The following COPS3 variants were observed in gnomAD, a reference collection of about 807,000 sequenced individuals.
COPS3 encodes COP9 signalosome subunit 3.
COPS3 carries 10 observed loss-of-function variants against 58.2 expected under a neutral mutation model. That is an observed-to-expected ratio of 0.17 (90% CI 0.11 to 0.29). The LOEUF (loss-of-function observed/expected upper bound fraction) is 0.29. Among genes scored for constraint, COPS3 ranks in the 10% least tolerant of loss-of-function variants. COPS3 has a pLI of 1.00. For synonymous variants in COPS3, 187 were observed against 181.7 expected, an observed-to-expected ratio of 1.03 and a Z score of -0.24; for missense variants, 333 against 510.1, an observed-to-expected ratio of 0.65 and a Z score of 3.34.
chr17:17,251,651 G>A (rs1234875780), intron 9 of COPS3, among the ~76,000 whole-genome samples: 2 of 152,108 alleles, frequency 1.3e-5, no homozygotes, highest in Non-Finnish European at 2.9e-5. Flanking sequence ...CCCTGAAAAC[G>A]AATGAACTAC....
chr17:17,251,929 CGTA>C (rs2047854823), intron 9 of COPS3, among the ~76,000 whole-genome samples: 1 of 151,582 alleles, frequency 6.6e-6, no homozygotes, highest in Non-Finnish European at 1.5e-5. Context: ...ATTAGCCAGG[CGTA>C]GTGGTGGGCG....
intron 1 of COPS3, among the ~76,000 whole-genome samples, chr17:17,278,573 T>G (rs575371947): frequency 1.3e-5 from 2 of 152,378 alleles, no homozygotes; most frequent in South Asian, 4.1e-4. Context: ...CATCATTGTA[T>G]TACAGATCTC....
At chr17:17,277,248 C>G (rs1432153360) in intron 1 of COPS3, among the ~76,000 whole-genome samples, 1 of 152,188 alleles carries the variant, frequency 6.6e-6, no homozygotes, top group African/African-American at 2.4e-5. Flanking sequence ...TCTGCCCTCT[C>G]TGCCTCGCAT....
rs1325490360 is a variant in COPS3 at position 17,247,384 on chromosome 17, T to C, written c.1218+96A>G. ...CCGTACTGGTAAGGTTTTCAAGAAA[T>C]ATTTAATAACCTGAAACTTAGTTCC... On this transcript the variant is annotated intron_variant, in intron 11 of 11. Coordinates refer to ENST00000268717, the MANE Select transcript of COPS3 (RefSeq NM_003653.4). 3.3e-6 allele frequency: 4 copies of C among 1,217,342 alleles called. No individual in the cohort carries two copies. The Admixed American group carries it at 5.5e-5, about 17-fold the overall frequency. 75.4% of individuals were successfully genotyped at this position (1,217,342 alleles called of 1,614,324 possible). A position where few individuals can be genotyped will look rare whatever the true frequency, so the allele number is the denominator to read the frequency against.
chr17:17,271,930 T>TA (rs2048362715), intron 2 of COPS3, among the ~76,000 whole-genome samples: 1 of 146,284 alleles, frequency 6.8e-6, no homozygotes, highest in Non-Finnish European at 1.5e-5. Context: ...CATATATGTT[T>TA]TATATATATA....
intron 9 of COPS3, among the ~76,000 whole-genome samples, chr17:17,251,050 A>T (rs533565802): frequency 6.6e-6 from 1 of 152,310 alleles, no homozygotes; most frequent in South Asian, 2.1e-4. Context: ...GCTGGAGTGC[A>T]GTGGCGCAAT....
rs375625767 is a variant in COPS3, at chr17:17,260,346, T to C, written c.891A>G (p.Gln297=). 1 of 1,614,184 alleles carries C rather than the reference T, an allele frequency of 6.2e-7. No homozygotes were observed. Among genetic ancestry groups the C allele is most frequent in the Admixed American group, 1.7e-5 (1 of 60,012 alleles). The change falls in exon 8 of 12, where the codon CAA becomes CAG. Residue 297 remains glutamine (Q), a synonymous_variant. Coordinates refer to ENST00000268717, the MANE Select transcript of COPS3 (RefSeq NM_003653.4). ...TCTTCTTATAAAGAGATGACAAGCA[T>C]TGCTTCACCAGCCCCATGTTGTTAT... ...TRDNNMGLVK[Q]CLSSLYKKNI...
At chr17:17,266,474 G>C (rs1409588684) in intron 5 of COPS3, among the ~76,000 whole-genome samples, 1 of 152,076 alleles carries the variant, frequency 6.6e-6, no homozygotes, top group Non-Finnish European at 1.5e-5. Flanking sequence ...CTGCCCTTTT[G>C]CCTTCTGGAC....
chr17:17,259,062 T>C (rs779416078), intron 8 of COPS3, among the ~76,000 whole-genome samples: 2 of 152,090 alleles, frequency 1.3e-5, no homozygotes, highest in Admixed American at 6.6e-5. Flanking sequence ...AGCTTCTCCA[T>C]TGGGCTAGGG....
chr17:17,246,994 T>TA lies in COPS3; in HGVS notation c.*103dup. The TA allele has an allele frequency of 1.0e-6, 1 of 976,618 alleles. No individual in the cohort carries two copies. The highest frequency in any genetic ancestry group is 1.7e-6 in the Non-Finnish European group (1 of 603,708). 60.5% of individuals were successfully genotyped at this position (976,618 alleles called of 1,614,324 possible). ...GATGTCAAAACAAAACTTAATTTCT[T>TA]AGTCTCCAGGTGACACAGGCTTGGT... On this transcript the variant is annotated 3_prime_UTR_variant, in exon 12 of 12. Transcript: ENST00000268717.
chr17:17,271,753 G>A (rs1465450634), intron 2 of COPS3, among the ~76,000 whole-genome samples: 1 of 150,516 alleles, frequency 6.6e-6, no homozygotes, highest in Non-Finnish European at 1.5e-5. Flanking sequence ...CCGGGAGGTG[G>A]AGGTTGCAGT....
intron 8 of COPS3, among the ~76,000 whole-genome samples, chr17:17,255,874 A>ATAAATAAATAAC: frequency 6.8e-6 from 1 of 147,888 alleles, no homozygotes; most frequent in Non-Finnish European, 1.5e-5. Context: ...AAATAAATAA[A>ATAAATAAATAAC]TAAATAACTG....
chr17:17,253,881 C>T (rs528153576), intron 9 of COPS3, among the ~76,000 whole-genome samples: 21 of 152,250 alleles, frequency 1.4e-4, no homozygotes, highest in Admixed American at 5.9e-4. Context: ...ATACCAGCTA[C>T]TCGGGAGGCT....
At chr17:17,270,485 T>C (rs139509297) in intron 4 of COPS3, among the ~76,000 whole-genome samples, 203 of 152,246 alleles carry the variant, frequency 1.3e-3, no homozygotes, top group African/African-American at 4.6e-3. Context: ...CCCAGCATAT[T>C]ACAACATAAA....
chr17:17,280,536 G>C, intron 1 of COPS3: 1 of 1,250,278 alleles, frequency 8.0e-7, no homozygotes, highest in Non-Finnish European at 1.0e-6. Context: ...CTCCAGCCTC[G>C]GCTAAAAAAA....
intron 9 of COPS3, among the ~76,000 whole-genome samples, chr17:17,250,982 T>C (rs1171464850): frequency 2.0e-5 from 3 of 152,280 alleles, no homozygotes; most frequent in African/African-American, 7.2e-5. Context: ...ACAACCCCAA[T>C]GTCTAACTAT....
At chr17:17,247,584 G>A in intron 10 of COPS3, 24 bp from the exon 11 acceptor site, 1 of 1,613,212 alleles carries the variant, frequency 6.2e-7, no homozygotes, top group South Asian at 1.1e-5. Flanking sequence ...ACATTAGAAG[G>A]TGGTCAGCGG....
chr17:17,248,357 A>C (rs1474237730), intron 10 of COPS3, among the ~76,000 whole-genome samples: 1 of 152,190 alleles, frequency 6.6e-6, no homozygotes, highest in African/African-American at 2.4e-5. Context: ...TCTGTTGCCC[A>C]GGCTGGAGTG....
At chr17:17,259,677 A>G (rs766555201) in intron 8 of COPS3, among the ~76,000 whole-genome samples, 4 of 152,074 alleles carry the variant, frequency 2.6e-5, no homozygotes, top group Non-Finnish European at 5.9e-5. Flanking sequence ...GGTGGATCAC[A>G]TGAGCACAGG....
Sources: allele counts gnomAD v4.1 joint callset (sites outside exome capture counted in the v4.1 genomes callset), GRCh38; gene constraint gnomAD v4.1.1; transcripts MANE v1.5; gene names NCBI Gene and HGNC (gene_info 2026-07-23, HGNC 2026-07-21).